RPL26: variants seen among roughly 807,000 people sequenced by gnomAD.
RPL26 encodes the protein ribosomal protein L26.
In RPL26, 1 loss-of-function variant was observed where a neutral mutation model predicts 16.2. The ratio of observed to expected loss-of-function variants is 0.06; its 90% CI spans 0.02 to 0.29. The LOEUF is 0.29. RPL26 is among the 10% of genes least tolerant of loss of function. RPL26 has a pLI of 1.00. For missense variants in RPL26, 102 were observed against 184.3 expected (o/e 0.55, Z 2.58); for synonymous variants, 55 against 62.4 (o/e 0.88, Z 0.56).
At chr17:8,382,710 T>G (rs1396567333) in intron 1 of RPL26, 1 of 299,942 alleles carries the variant, frequency 3.3e-6, no homozygotes, top group African/African-American at 2.2e-5. Context: ...ACAATCAACG[T>G]TCATCTTCTA....
intron 1 of RPL26, chr17:8,382,631 G>T: frequency 2.9e-6 from 1 of 345,808 alleles, no homozygotes; most frequent in Non-Finnish European, 5.3e-6. Flanking sequence ...AATCAAGACT[G>T]GACTTACATC....
At chr17:8,379,758 A>G (rs200489741) in intron 3 of RPL26, 38 bp downstream of exon 3, 248 of 1,591,506 alleles carry the variant, frequency 1.6e-4, no homozygotes, top group Non-Finnish European at 1.9e-4. Context: ...AATAATTGCC[A>G]TAATTTCCTT....
In RPL26 at chr17:8,382,440, C is replaced by A. The variant is rs1430503397; in HGVS notation, c.-5-125G>T. 1.0e-5 allele frequency: 7 copies of A among 678,610 alleles called. No individual in the cohort carries two copies. The East Asian group carries it at 1.4e-4, about 14-fold the overall frequency. The allele number at this position is 678,610 out of a possible 1,614,324, so 42.0% of individuals were successfully genotyped here. A position where few individuals can be genotyped will look rare whatever the true frequency, so the allele number is the denominator to read the frequency against. Reference sequence around the variant, plus strand: ...TAGGCAGTGTCATGTTGTGCAACTTCAACAAAAACTGTTTGATCGGAAGGG... The same window carrying A: ...TAGGCAGTGTCATGTTGTGCAACTTAAACAAAAACTGTTTGATCGGAAGGG... On this transcript the variant is annotated intron_variant, in intron 1 of 3. Transcript: ENST00000648839.
intron 2 of RPL26, 29 bp downstream of exon 2, chr17:8,382,114 A>C (rs1053656530): frequency 9.4e-6 from 15 of 1,596,614 alleles, no homozygotes; most frequent in African/African-American, 1.3e-5. Flanking sequence ...ATATCCATCA[A>C]GACAACGAGA....
intron 2 of RPL26, 93 bp downstream of exon 2, chr17:8,382,050 C>G (rs1474210700): frequency 8.7e-7 from 1 of 1,152,372 alleles, no homozygotes; most frequent in African/African-American, 1.5e-5. Context: ...GAGCAAGAGT[C>G]TCAGAAGCAT....
rs373698079 is a variant in RPL26 at position 8,379,869 on chromosome 17, A to C, written c.236T>G (p.Val79Gly). Residue 79 changes from valine to glycine, a missense_variant, in exon 3 of 4, where the codon GTT becomes GGT. Transcript: ENST00000648839. ...KVVQVYRKKY[V>G]IYIERVQREK... ...CCGCTGCACCCGTTCAATGTAGATA[A>C]CATATTTCTTCCTGTAAACCTGGAC... is the stretch of plus-strand genomic sequence containing the variant. 6.2e-6 allele frequency: 10 copies of C among 1,613,568 alleles called. No homozygotes were observed. Among genetic ancestry groups the C allele is most frequent in the Non-Finnish European group, 8.5e-6 (10 of 1,179,590 alleles).
chr17:8,382,107 T>G (rs753956810), intron 2 of RPL26, 36 bp downstream of exon 2: 6 of 1,573,082 alleles, frequency 3.8e-6, no homozygotes, highest in Non-Finnish European at 3.5e-6. Context: ...GCGTAAAATA[T>G]CCATCAAGAC....
Position 8,379,906 on chromosome 17 carries a change from T to C in RPL26, c.199A>G (p.Ile67Val), listed in dbSNP as rs371369378. 3 of 1,613,600 alleles carry C rather than the reference T, an allele frequency of 1.9e-6. No individual in the cohort carries two copies. Among genetic ancestry groups the C allele is most frequent in the Non-Finnish European group, 2.5e-6 (3 of 1,179,718 alleles). Residue 67 changes from isoleucine to valine, a missense_variant, in exon 3 of 4, where the codon ATT becomes GTT. Ile to Val is a conservative substitution (Grantham distance 29, BLOSUM62 3). Coordinates refer to ENST00000648839, the MANE Select transcript of RPL26 (RefSeq NM_000987.5). ...CTGTAAACCTGGACTACTTTGCCAA[T>C]TTGCTGACCTTTATAGTGTCCACGT... is the stretch of plus-strand genomic sequence containing the variant. Reference protein sequence around the residue: ...VVRGHYKGQQIGKVVQVYRKK... With the variant: ...VVRGHYKGQQVGKVVQVYRKK...
In RPL26 at chr17:8,377,516, C is replaced by A. The variant is rs754575332; in HGVS notation, c.*48G>T. 14 of 1,499,156 alleles carry A rather than the reference C, an allele frequency of 9.3e-6. No individual in the cohort carries two copies. The African/African-American group carries it at 1.7e-4, about 18-fold the overall frequency. 92.9% of individuals were successfully genotyped at this position (1,499,156 alleles called of 1,614,324 possible). A position where few individuals can be genotyped will look rare whatever the true frequency, so the allele number is the denominator to read the frequency against. On this transcript the variant is annotated 3_prime_UTR_variant, in exon 4 of 4. Coordinates refer to ENST00000648839, the MANE Select transcript of RPL26 (RefSeq NM_000987.5). ...GTCCTAAATCACCACACACAAAACA[C>A]AGGCTCTTTGTTTCAAGTTTTAATC...
Position 8,377,541 on chromosome 17 carries a change from C to G in RPL26, c.*23G>C, listed in dbSNP as rs990422675. 1 of 1,556,984 alleles carries G rather than the reference C, an allele frequency of 6.4e-7. No individual in the cohort carries two copies. The highest frequency in any genetic ancestry group is 8.6e-7 in the Non-Finnish European group (1 of 1,156,998). On this transcript the variant is annotated 3_prime_UTR_variant, in exon 4 of 4. Transcript: ENST00000648839. Reference sequence around the variant, plus strand: ...CAGGCTCTTTGTTTCAAGTTTTAATCAAAGCTTGTATATAAGATTACTTTA... The same window carrying G: ...CAGGCTCTTTGTTTCAAGTTTTAATGAAAGCTTGTATATAAGATTACTTTA...
At chr17:8,379,105 A>T (rs1386967007) in intron 3 of RPL26, 2 of 152,190 alleles carry the variant, frequency 1.3e-5, no homozygotes, top group Non-Finnish European at 2.9e-5. Context: ...AATTCTACCA[A>T]GTTGCTAGGA....
chr17:8,377,753 A>T, intron 3 of RPL26, 61 bp from the exon 4 acceptor site: 1 of 1,504,318 alleles, frequency 6.6e-7, no homozygotes, highest in Middle Eastern at 1.8e-4. Context: ...ACACAAGGGA[A>T]AGCCCAACAT....
chr17:8,379,696 G>T, intron 3 of RPL26, 100 bp downstream of exon 3: 1 of 1,121,552 alleles, frequency 8.9e-7, no homozygotes, highest in Admixed American at 2.3e-5. Context: ...TCCAGCACAT[G>T]TAAAATCAAG....
intron 3 of RPL26, among the ~76,000 whole-genome samples, chr17:8,378,281 T>C (rs1907247034): frequency 6.6e-6 from 1 of 152,170 alleles, no homozygotes; most frequent in Admixed American, 6.5e-5. Flanking sequence ...TGCAGTGAGC[T>C]GAGATGGTGC....
rs566712560 is a variant in RPL26, at chr17:8,381,699, G to A, written c.168+444C>T. On this transcript the variant is annotated intron_variant, in intron 2 of 3. Transcript: ENST00000648839. ...TCCCAGCACTTTGGGAGGCTGAGGC[G>A]GGCTGATCACCTGACGCCATGAGTT... is the stretch of plus-strand genomic sequence containing the variant. The A allele has an allele frequency of 3.0e-3, 564 of 185,036 alleles. 2 individuals carry two copies. Among genetic ancestry groups the A allele is most frequent in the Non-Finnish European group, 4.6e-3 (409 of 89,270 alleles). The allele number at this position is 185,036 out of a possible 1,614,324, so 11.5% of individuals were successfully genotyped here.
intron 2 of RPL26, chr17:8,380,226 G>C: frequency 3.0e-6 from 1 of 332,846 alleles, no homozygotes; most frequent in Non-Finnish European, 5.5e-6. Flanking sequence ...TTTCCCAAAG[G>C]TTAGTGGACA....
In RPL26 at chr17:8,382,247, G is replaced by A; in HGVS notation, c.64C>T (p.Pro22Ser). Residue 22 changes from proline to serine, a missense_variant, in exon 2 of 4, where the codon CCT becomes TCT. Physicochemically the swap from Pro to Ser is moderately conservative, Grantham distance 74. Transcript: ENST00000648839. The stretch of plus-strand genomic sequence containing the variant: ...ATAATCTTCCTTCGAATGTGGGAAG[G>A]TGCATTGAAATGCCTTTTGCGATTC... The part of the protein sequence containing the change: ...SKNRKRHFNA[P>S]SHIRRKIMSS... The A allele has an allele frequency of 6.2e-7, 1 of 1,612,772 alleles. No homozygotes were observed. Among genetic ancestry groups the A allele is most frequent in the Non-Finnish European group, 8.5e-7 (1 of 1,178,798 alleles).
At chr17:8,382,354 T>C (rs769909355) in intron 1 of RPL26, 39 bp from the exon 2 acceptor site, 21 of 1,429,452 alleles carry the variant, frequency 1.5e-5, no homozygotes, top group African/African-American at 2.8e-5. Context: ...ATGACCAAAA[T>C]CTCATCCAGC....
intron 1 of RPL26, chr17:8,382,532 G>A (rs1042668259): frequency 3.1e-5 from 15 of 490,832 alleles, no homozygotes; most frequent in African/African-American, 7.9e-5. Context: ...ATATGTTTAC[G>A]GACTAAAGAC....
Sources: gnomAD v4.1 joint callset for allele counts (sites outside exome capture counted in the v4.1 genomes callset) on GRCh38, gnomAD v4.1.1 for gene constraint, MANE v1.5 for transcripts, NCBI Gene and HGNC (gene_info 2026-07-23, HGNC 2026-07-21) for gene names.